The following A2ML1 variants were observed in gnomAD, a reference collection of about 807,000 sequenced individuals.
The protein encoded by A2ML1 is alpha-2-macroglobulin-like protein 1.
A2ML1 carries 161 observed loss-of-function variants against 181.9 expected under a neutral mutation model. That is an observed-to-expected ratio of 0.89 (90% confidence interval 0.78 to 1.01). A2ML1 has a LOEUF of 1.01. A2ML1 is among the 50% of genes least tolerant of loss of function. The pLI is 0.00. For synonymous variants in A2ML1, 663 were observed against 666.8 expected (o/e 0.99, Z 0.09); for missense variants, 1,670 against 1,768.1 (o/e 0.94, Z 1.00).
intron 4 of A2ML1, among the ~76,000 whole-genome samples, chr12:8,833,693 G>A (rs1030041130): frequency 1.3e-5 from 2 of 152,178 alleles, no homozygotes; most frequent in Non-Finnish European, 2.9e-5. Context: ...ACCGTGTCTG[G>A]CCTAAAGAAG....
At chr12:8,882,164 G>A (rs1409069747) in intron 7 of A2ML1, among the ~76,000 whole-genome samples, 1 of 152,172 alleles carries the variant, frequency 6.6e-6, no homozygotes, top group Non-Finnish European at 1.5e-5. Context: ...GAAGCCAAGA[G>A]TGTTGAGGAC....
At position 8,847,598 on chromosome 12, in the gene A2ML1, AG is replaced by A. The variant is rs749119553; in HGVS notation, c.1734del (p.Glu578AspfsTer30). The A allele has an allele frequency of 8.3e-5, 134 of 1,613,314 alleles. No individual in the cohort carries two copies. The highest frequency in any genetic ancestry group is 1.1e-4 in the Non-Finnish European group (132 of 1,179,734). On this transcript the variant is annotated frameshift_variant, in exon 15 of 36. Transcript: ENST00000299698. LOFTEE classifies it high-confidence loss of function. ...CAGCAGCTTCCAGGAGCAGAAGTGG[AG>A]CTGCAGCTGCAGGCAGCTCCCGGAT... ...PSQQLPGAEV[E>X]LQLQAAPGSL...
intron 3 of A2ML1, among the ~76,000 whole-genome samples, chr12:8,824,956 T>C (rs1772784356): frequency 6.6e-6 from 1 of 152,230 alleles, no homozygotes; most frequent in South Asian, 2.1e-4. Flanking sequence ...CTCCATTATG[T>C]ATGTGTACCA....
chr12:8,880,077 C>T (rs180918776), downstream of A2ML1, among the ~76,000 whole-genome samples: 58 of 152,144 alleles, frequency 3.8e-4, no homozygotes, highest in Admixed American at 1.2e-3. Flanking sequence ...CAAAAAGCTA[C>T]GGAAGGCCAG....
At position 8,857,343 on chromosome 12, in the gene A2ML1, A is replaced by C; in HGVS notation, c.3025+3A>C. 4 of 1,613,898 alleles carry C rather than the reference A, an allele frequency of 2.5e-6. No individual in the cohort carries two copies. The highest frequency in any genetic ancestry group is 3.4e-6 in the Non-Finnish European group (4 of 1,179,926). The stretch of plus-strand genomic sequence containing the variant: ...GGCAGTGGGTTTCCTGGAAATAGGT[A>C]AGTTGGTTCAGTCTTTCTTTCTTGA... On this transcript the variant is annotated splice_donor_region_variant and intron_variant, in intron 24 of 35. Transcript: ENST00000299698.
chr12:8,870,371 C>T (rs745637763), intron 33 of A2ML1, among the ~76,000 whole-genome samples: 1 of 151,216 alleles, frequency 6.6e-6, no homozygotes, highest in South Asian at 2.1e-4. Context: ...GGGTTCATGC[C>T]ATTCTCCTGC....
At chr12:8,868,848 G>A (rs1331098737) in intron 32 of A2ML1, among the ~76,000 whole-genome samples, 1 of 151,856 alleles carries the variant, frequency 6.6e-6, no homozygotes, top group Non-Finnish European at 1.5e-5. Context: ...TTATATATAT[G>A]TGTGTGTATA....
chr12:8,829,009 C>T (rs1333922238), intron 3 of A2ML1, among the ~76,000 whole-genome samples: 1 of 152,218 alleles, frequency 6.6e-6, no homozygotes, highest in Non-Finnish European at 1.5e-5. Context: ...GTACCACAGT[C>T]ACTGCTGGGG....
Position 8,831,802 on chromosome 12 carries a change from T to C in A2ML1, c.462+2023T>C, listed in dbSNP as rs1943121515. 2.0e-5 allele frequency among the ~76,000 whole-genome samples: 3 copies of C among 151,916 alleles called. No homozygotes were observed. The South Asian group carries it at 6.2e-4, about 32-fold the overall frequency. ...TTCATTCTTGTTGCCCAGGCTGGAGTGCAATGGCGCGATCTCGGCTCGCCG... is the reference window on the plus strand; with the variant it reads ...TTCATTCTTGTTGCCCAGGCTGGAGCGCAATGGCGCGATCTCGGCTCGCCG... On this transcript the variant is annotated intron_variant, in intron 4 of 35. Coordinates refer to ENST00000299698, the MANE Select transcript of A2ML1 (RefSeq NM_144670.6).
chr12:8,865,824 G>T (rs1944407306), intron 29 of A2ML1, among the ~76,000 whole-genome samples: 1 of 152,138 alleles, frequency 6.6e-6, no homozygotes, highest in Admixed American at 6.6e-5. Flanking sequence ...TATGTATTCT[G>T]AAAATATTAA....
chr12:8,860,296 A>G (rs1245008520), intron 26 of A2ML1, among the ~76,000 whole-genome samples: 1 of 152,106 alleles, frequency 6.6e-6, no homozygotes, highest in East Asian at 1.9e-4. Flanking sequence ...CTCCCCACCG[A>G]CTTGGCCTCA....
At chr12:8,841,637 C>G (rs962748069) in intron 11 of A2ML1, 101 bp downstream of exon 11, 3 of 1,247,134 alleles carry the variant, frequency 2.4e-6, no homozygotes, top group Non-Finnish European at 3.3e-6. Flanking sequence ...CTTGGAATTA[C>G]ATCTTTCTCA....
chr12:8,843,346 C>A lies in A2ML1; in HGVS notation c.1461C>A (p.Ile487=), dbSNP rs1318342627. ...DPADASPDQE[I]SFSYYLIGKG... is the part of the protein sequence containing the mutation. The stretch of plus-strand genomic sequence containing the variant: ...CCGATGCAAGCCCTGACCAAGAGAT[C>A]AGCTTCTCCTACTATGTGAGACCGG... The change falls in exon 12 of 36, where the codon ATC becomes ATA. Residue 487 remains isoleucine (I), a synonymous_variant. Transcript: ENST00000299698. 1.2e-6 allele frequency: 2 copies of A among 1,614,042 alleles called. No individual in the cohort carries two copies. Among genetic ancestry groups the A allele is most frequent in the South Asian group, 1.1e-5 (1 of 91,076 alleles).
At chr12:8,842,909 T>C (rs926841325) in intron 11 of A2ML1, among the ~76,000 whole-genome samples, 1 of 152,248 alleles carries the variant, frequency 6.6e-6, no homozygotes, top group Non-Finnish European at 1.5e-5. Flanking sequence ...GTAACTATAA[T>C]TCAGCCCTTC....
intron 4 of A2ML1, 147 bp downstream of exon 4, chr12:8,829,926 T>A: frequency 1.1e-6 from 1 of 896,984 alleles, no homozygotes; most frequent in Non-Finnish European, 1.7e-6. Flanking sequence ...CTGGAAGTGC[T>A]GGGCGAGCTT....
Position 8,851,465 on chromosome 12 carries a change from G to A in A2ML1, c.2235-319G>A, listed in dbSNP as rs370151525. Among the ~76,000 whole-genome samples the A allele has an allele frequency of 5.9e-5, 9 of 151,884 alleles. No homozygotes were observed. In the South Asian group the frequency reaches 1.7e-3, roughly 28 times the overall value. ...CTGTCACCCAGGCTGGAGTGCAGTG[G>A]TGCAATCATAGCTCACTGCAGCCTC... On this transcript the variant is annotated intron_variant, in intron 18 of 35. Transcript: ENST00000299698.
chr12:8,837,755 C>T (rs1943333864), intron 8 of A2ML1, among the ~76,000 whole-genome samples, 189 bp downstream of exon 8: 1 of 151,914 alleles, frequency 6.6e-6, no homozygotes, highest in South Asian at 2.1e-4. Flanking sequence ...GTGGTGTGCA[C>T]CTGAAATCCC....
downstream of A2ML1, among the ~76,000 whole-genome samples, chr12:8,878,303 C>CTAAATAAA (rs776364271): frequency 6.6e-6 from 1 of 152,012 alleles, no homozygotes; most frequent in East Asian, 1.9e-4. This position sits in a 1 kb window ranked among gnomAD's most constrained non-coding sequence, Gnocchi z 4.4. Context: ...AACTCCGTAT[C>CTAAATAAA]TAAATAAATA....
At chr12:8,869,296 G>C in intron 33 of A2ML1, 93 bp downstream of exon 33, 12 of 1,297,850 alleles carry the variant, frequency 9.2e-6, no homozygotes, top group African/African-American at 1.5e-5. Flanking sequence ...CACACACATG[G>C]GGATGAGGGG....
Sources: allele counts gnomAD v4.1 joint callset (sites outside exome capture counted in the v4.1 genomes callset), GRCh38; gene constraint gnomAD v4.1.1; non-coding constraint Gnocchi (gnomAD v3.1); transcripts MANE v1.5; gene names NCBI Gene and HGNC (gene_info 2026-07-23, HGNC 2026-07-21).